Variants in DIO2 observed in about 807,000 individuals in gnomAD.
DIO2 encodes the protein type II iodothyronine deiodinase.
A neutral mutation model predicts 21.4 loss-of-function variants in DIO2; 19 were observed. The ratio of observed to expected loss-of-function variants is 0.89; its 90% CI spans 0.62 to 1.30. The LOEUF is 1.30. Ranked by LOEUF, DIO2 falls within the 50% of genes most tolerant of loss-of-function variation. The pLI, the probability that DIO2 is intolerant of heterozygous loss-of-function variation, is 0.00. For missense variants in DIO2, 302 were observed against 338.1 expected, an observed-to-expected ratio of 0.89 and a Z score of 0.84; for synonymous variants, 122 against 132.9, an observed-to-expected ratio of 0.92 and a Z score of 0.57.
chr14:80,206,427 T>C, intron 1 of DIO2: 1 of 670,868 alleles, frequency 1.5e-6, no homozygotes, highest in Non-Finnish European at 2.4e-6. Context: ...CTGTTCATTC[T>C]CATCTCCCCA....
chr14:80,200,015 TC>T lies in DIO2; in HGVS notation c.*2673del, dbSNP rs1374572247. The T allele has an allele frequency of 6.6e-6, 1 of 152,648 alleles. No individual in the cohort carries two copies. Among genetic ancestry groups the T allele is most frequent in the Non-Finnish European group, 1.5e-5 (1 of 68,034 alleles). 9.5% of individuals were successfully genotyped at this position (152,648 alleles called of 1,614,324 possible). A position where few individuals can be genotyped will look rare whatever the true frequency, so the allele number is the denominator to read the frequency against. On this transcript the variant is annotated 3_prime_UTR_variant, in exon 2 of 2. Transcript: ENST00000438257. ...ATATCAGATAAAGCATTGATTTTCC[TC>T]TACCTCAAAATAATGAGTTCTTGTT...
At chr14:80,229,509 T>G (rs1485151102) in intron 2 of DIO2, among the ~76,000 whole-genome samples, 1 of 152,132 alleles carries the variant, frequency 6.6e-6, no homozygotes. Flanking sequence ...TTGCAAGGCA[T>G]TGGTCAAGGG....
rs555833334 is a variant in DIO2 at position 80,221,858 on chromosome 14, G to A, written c.-277-5121C>T. On this transcript the variant is annotated intron_variant, in intron 2 of 4. Coordinates refer to the DIO2 transcript ENST00000553594. ...ACTCTCTAAAGTCATTCCCCTTCCT[G>A]AGTCATTGACCTTGTCCTACAAGTA... Among the ~76,000 whole-genome samples the A allele has an allele frequency of 2.0e-5, 3 of 152,240 alleles. No homozygotes were observed. The South Asian group carries it at 6.2e-4, about 32-fold the overall frequency.
chr14:80,201,841 C>G lies in DIO2; in HGVS notation c.*848G>C, dbSNP rs540499072. 6.5e-6 allele frequency: 1 copy of G among 153,490 alleles called. No homozygotes were observed. Among genetic ancestry groups the G allele is most frequent in the East Asian group, 1.9e-4 (1 of 5,198 alleles). The allele number at this position is 153,490 out of a possible 1,614,324, so 9.5% of individuals were successfully genotyped here. A position where few individuals can be genotyped will look rare whatever the true frequency, so the allele number is the denominator to read the frequency against. On this transcript the variant is annotated 3_prime_UTR_variant, in exon 2 of 2. Coordinates refer to ENST00000438257, the MANE Select transcript of DIO2 (RefSeq NM_013989.5). ...TATATTGTTTTTATATGTGTATTCT[C>G]TATGCCACTTTTAGTTGAGCTCCTT...
chr14:80,220,224 G>C (rs1888439746), intron 2 of DIO2, among the ~76,000 whole-genome samples: 1 of 152,102 alleles, frequency 6.6e-6, no homozygotes, highest in Admixed American at 6.5e-5. Context: ...ACAGGCGCCC[G>C]CCACCATGCA....
chr14:80,213,445 G>A (rs1489818283), upstream of DIO2, among the ~76,000 whole-genome samples: 1 of 152,138 alleles, frequency 6.6e-6, no homozygotes, highest in Non-Finnish European at 1.5e-5. Flanking sequence ...TAAAAGCCTA[G>A]ACAAGAGTCA....
chr14:80,230,009 A>T (rs962336904), intron 2 of DIO2, among the ~76,000 whole-genome samples: 3 of 152,122 alleles, frequency 2.0e-5, no homozygotes, highest in Non-Finnish European at 4.4e-5. Context: ...GTAGCTCCTG[A>T]GGAGAATCAA....
intron 2 of DIO2, among the ~76,000 whole-genome samples, chr14:80,227,054 C>A (rs376921404): frequency 6.6e-6 from 1 of 152,146 alleles, no homozygotes; most frequent in East Asian, 1.9e-4. Context: ...AGTGCACAAC[C>A]AGGTACACTG....
At position 80,198,449 on chromosome 14, in the gene DIO2, A is replaced by G. The variant is rs970519637; in HGVS notation, c.*4240T>C. On this transcript the variant is annotated 3_prime_UTR_variant, in exon 2 of 2. Coordinates refer to ENST00000438257, the MANE Select transcript of DIO2 (RefSeq NM_013989.5). ...TGTTTTGCTCATCCTAAAGTCACTC[A>G]ATGACTTGCAGCAGCCTTCAGCCTT... 42 of 152,618 alleles carry G rather than the reference A, an allele frequency of 2.8e-4. No individual in the cohort carries two copies. The highest frequency in any genetic ancestry group is 9.2e-4 in the African/African-American group (38 of 41,442). 9.5% of individuals were successfully genotyped at this position (152,618 alleles called of 1,614,324 possible).
intron 2 of DIO2, among the ~76,000 whole-genome samples, chr14:80,223,025 C>A (rs1020903679): frequency 6.6e-6 from 1 of 151,896 alleles, no homozygotes; most frequent in Non-Finnish European, 1.5e-5. Flanking sequence ...CCATGCCTAG[C>A]AAATTATTTT....
At chr14:80,226,441 C>A (rs1194603905) in intron 2 of DIO2, among the ~76,000 whole-genome samples, 1 of 152,206 alleles carries the variant, frequency 6.6e-6, no homozygotes, top group Non-Finnish European at 1.5e-5. Context: ...TTGGCGGAAG[C>A]ATTGCATGCA....
Position 80,211,381 on chromosome 14 carries a change from A to G in DIO2, c.92T>C (p.Val31Ala). Residue 31 changes from valine (V) to alanine (A), a missense_variant, in exon 1 of 2, where the codon GTC (valine) becomes GCC (alanine). Coordinates refer to ENST00000438257, the MANE Select transcript of DIO2 (RefSeq NM_013989.5). ...CAGCACCACGTGCTTGAGCAGAATG[A>G]CCGAGTCATAGAGAGCCAGGAAGAG... Reference protein sequence around the residue: ...NCLFLALYDSVILLKHVVLLL... With the variant: ...NCLFLALYDSAILLKHVVLLL... 6.2e-7 allele frequency: 1 copy of G among 1,613,678 alleles called. No individual in the cohort carries two copies. Among genetic ancestry groups the G allele is most frequent in the Non-Finnish European group, 8.5e-7 (1 of 1,179,826 alleles).
chr14:80,225,211 A>G (rs749367040), intron 2 of DIO2, among the ~76,000 whole-genome samples: 5 of 152,084 alleles, frequency 3.3e-5, no homozygotes, highest in Non-Finnish European at 5.9e-5. Context: ...GCATCCTTCA[A>G]TCCAATCAGG....
chr14:80,223,128 A>G (rs983553982), intron 2 of DIO2, among the ~76,000 whole-genome samples: 3 of 152,172 alleles, frequency 2.0e-5, no homozygotes, highest in Non-Finnish European at 4.4e-5. Context: ...GATTATAGGC[A>G]TAATCCATCA....
chr14:80,214,104 T>C (rs1459158732), upstream of DIO2, among the ~76,000 whole-genome samples: 6 of 152,184 alleles, frequency 3.9e-5, no homozygotes, highest in African/African-American at 1.4e-4. Flanking sequence ...TTTTAACTGG[T>C]GGAGATGTGA....
chr14:80,210,994 A>G (rs1888160707), intron 1 of DIO2, among the ~76,000 whole-genome samples: 1 of 152,176 alleles, frequency 6.6e-6, no homozygotes, highest in African/African-American at 2.4e-5. Flanking sequence ...CTACTCCCAA[A>G]TCACAGCAAG....
chr14:80,209,779 CT>C (rs922042617), intron 1 of DIO2, among the ~76,000 whole-genome samples: 4 of 152,208 alleles, frequency 2.6e-5, no homozygotes, highest in African/African-American at 9.6e-5. Flanking sequence ...CACAAACCCT[CT>C]TTGGGTTACT....
chr14:80,227,058 T>C (rs1888591119), intron 2 of DIO2, among the ~76,000 whole-genome samples: 1 of 152,132 alleles, frequency 6.6e-6, no homozygotes, highest in African/African-American at 2.4e-5. Context: ...CACAACCAGG[T>C]ACACTGCTCA....
At position 80,201,140 on chromosome 14, in the gene DIO2, A is replaced by G. The variant is rs1261625823; in HGVS notation, c.*1549T>C. ...GTAAAACTATAGTGTCTATTTTAAA[A>G]AGAAAAAAATATTTTATATATATAT... On this transcript the variant is annotated 3_prime_UTR_variant, in exon 2 of 2. Transcript: ENST00000438257. The G allele has an allele frequency of 6.6e-6, 1 of 151,260 alleles. No homozygotes were observed. The highest frequency in any genetic ancestry group is 1.5e-5 in the Non-Finnish European group (1 of 67,814). 9.4% of individuals were successfully genotyped at this position (151,260 alleles called of 1,614,324 possible).
Sources: gnomAD v4.1 joint callset for allele counts (sites outside exome capture counted in the v4.1 genomes callset) on GRCh38, gnomAD v4.1.1 for gene constraint, MANE v1.5 for transcripts, NCBI Gene and HGNC (gene_info 2026-07-23, HGNC 2026-07-21) for gene names.